Variants in LRFN5 observed in about 807,000 individuals in gnomAD.
LRFN5 encodes the protein leucine-rich repeat and fibronectin type-III domain-containing protein 5.
In LRFN5, 24 loss-of-function variants were observed where a neutral mutation model predicts 45.6. That is an observed-to-expected ratio of 0.53 (90% CI 0.38 to 0.74). The LOEUF is 0.74. Ranked by LOEUF, LRFN5 falls within the 30% of genes least tolerant of loss-of-function variation. The pLI is 0.00. For missense variants in LRFN5, 776 were observed against 861.5 expected (o/e 0.90, Z 1.24); for synonymous variants, 340 against 313.8 (o/e 1.08, Z -0.88).
At position 41,733,130 on chromosome 14, in the gene LRFN5, G is replaced by C. The variant is rs117507229; in HGVS notation, c.-196-33724G>C. Among the ~76,000 whole-genome samples the C allele has an allele frequency of 8.4e-4, 128 of 151,740 alleles. 2 individuals are homozygous for C. The East Asian group carries it at 0.024, about 29-fold the overall frequency. ...CAACACATTTTGTAGACCTAAAGAAGAGAGTTAGAAAGGAGCAGAGAGAAT... is the reference window on the plus strand; with the variant it reads ...CAACACATTTTGTAGACCTAAAGAACAGAGTTAGAAAGGAGCAGAGAGAAT... On this transcript the variant is annotated intron_variant, in intron 1 of 5. Transcript: ENST00000298119.
intron 1 of LRFN5, chr14:41,742,685 C>T (rs199735423): frequency 3.8e-5 from 2 of 52,816 alleles, no homozygotes; most frequent in Non-Finnish European, 6.1e-5. Context: ...CATTCACCAA[C>T]AAGAGCCAGA....
At chr14:41,756,935 G>C (rs1376608142) in intron 1 of LRFN5, among the ~76,000 whole-genome samples, 1 of 150,126 alleles carries the variant, frequency 6.7e-6, no homozygotes, top group East Asian at 2.0e-4. Context: ...ATGGGGTTTT[G>C]GTGTGGGTGT....
At chr14:41,666,159 A>C (rs954485061) in intron 1 of LRFN5, among the ~76,000 whole-genome samples, 3 of 152,046 alleles carry the variant, frequency 2.0e-5, no homozygotes, top group Admixed American at 6.6e-5. Context: ...AAATTATCTT[A>C]TCTGAATTTG....
At chr14:41,648,262 G>C (rs539455854) in intron 1 of LRFN5, among the ~76,000 whole-genome samples, 1 of 151,990 alleles carries the variant, frequency 6.6e-6, no homozygotes, top group Non-Finnish European at 1.5e-5. Flanking sequence ...GAAAAAAATT[G>C]ACATTGGAAA....
At chr14:41,610,669 A>T (rs200300882) in intron 1 of LRFN5, among the ~76,000 whole-genome samples, 5,576 of 145,902 alleles carry the variant, frequency 0.038, 695 homozygotes, top group East Asian at 0.27. Flanking sequence ...GGTAAAAAAA[A>T]AAAAAAAAAA....
chr14:41,805,513 G>A (rs1050328595), intron 2 of LRFN5, among the ~76,000 whole-genome samples: 10 of 150,300 alleles, frequency 6.7e-5, no homozygotes, highest in South Asian at 2.1e-4. Flanking sequence ...CCACTAACTC[G>A]TCATCTAGCA....
intron 2 of LRFN5, among the ~76,000 whole-genome samples, chr14:41,784,544 T>A (rs1886647634): frequency 6.6e-6 from 1 of 152,006 alleles, no homozygotes; most frequent in South Asian, 2.1e-4. Context: ...CTGACATAGT[T>A]TTTCTTTTGG....
At chr14:41,624,446 C>T (rs1476635904) in intron 1 of LRFN5, among the ~76,000 whole-genome samples, 2 of 151,966 alleles carry the variant, frequency 1.3e-5, no homozygotes, top group East Asian at 3.9e-4. Flanking sequence ...AAACATTAAA[C>T]TAGAAGGTTA....
intron 1 of LRFN5, among the ~76,000 whole-genome samples, chr14:41,650,610 A>G (rs1262333260): frequency 6.6e-6 from 1 of 152,198 alleles, no homozygotes; most frequent in Non-Finnish European, 1.5e-5. Context: ...TTTAATTCAG[A>G]AAATCCACAT....
chr14:41,794,169 A>T (rs183754570), intron 2 of LRFN5, among the ~76,000 whole-genome samples: 5 of 152,060 alleles, frequency 3.3e-5, no homozygotes, highest in Non-Finnish European at 1.5e-5. Context: ...TACTGTTTAC[A>T]TTCTAGGATC....
In LRFN5 at chr14:41,614,136, G is replaced by A. The variant is rs190390553; in HGVS notation, c.-197+5574G>A. Among the ~76,000 whole-genome samples the A allele has an allele frequency of 2.0e-4, 31 of 152,070 alleles. No individual in the cohort carries two copies. In the East Asian group the frequency reaches 6.0e-3, roughly 29 times the overall value. Reference sequence around the variant, plus strand: ...TTTTATTATTTTTTTGTGGTGTGAAGATTTGTCAAGTTTTTGAATGGTTTA... The same window carrying A: ...TTTTATTATTTTTTTGTGGTGTGAAAATTTGTCAAGTTTTTGAATGGTTTA... On this transcript the variant is annotated intron_variant, in intron 1 of 5. Coordinates refer to ENST00000298119, the MANE Select transcript of LRFN5 (RefSeq NM_152447.5).
intron 1 of LRFN5, among the ~76,000 whole-genome samples, chr14:41,717,734 A>C (rs1486102941): frequency 6.6e-6 from 1 of 152,202 alleles, no homozygotes; most frequent in Non-Finnish European, 1.5e-5. Context: ...GACATTTTAC[A>C]TACTGTATAA....
chr14:41,625,824 A>T (rs1365857568), intron 1 of LRFN5, among the ~76,000 whole-genome samples: 2 of 152,144 alleles, frequency 1.3e-5, no homozygotes, highest in African/African-American at 2.4e-5. Context: ...ATACAGCCTA[A>T]GTATTCATCA....
chr14:41,895,557 G>A (rs1890909909), intron 4 of LRFN5, among the ~76,000 whole-genome samples: 1 of 152,052 alleles, frequency 6.6e-6, no homozygotes, highest in African/African-American at 2.4e-5. Flanking sequence ...CCTGGGAGGT[G>A]GAGGTGGCAG....
chr14:41,656,866 T>G (rs1880404254), intron 1 of LRFN5, among the ~76,000 whole-genome samples: 1 of 151,920 alleles, frequency 6.6e-6, no homozygotes, highest in Admixed American at 6.6e-5. Context: ...ATTCTATATG[T>G]TTTTCCTCAG....
chr14:41,618,780 T>TA (rs1333546614), intron 1 of LRFN5, among the ~76,000 whole-genome samples: 2 of 152,222 alleles, frequency 1.3e-5, no homozygotes, highest in Admixed American at 6.5e-5. Context: ...GCTCTCTTTT[T>TA]AAAAAATATT....
chr14:41,754,359 C>T (rs1243043876), intron 1 of LRFN5, among the ~76,000 whole-genome samples: 1 of 152,080 alleles, frequency 6.6e-6, no homozygotes, highest in Non-Finnish European at 1.5e-5. Context: ...CTCCTTGTAC[C>T]TCTGGTAGAA....
At position 41,863,997 on chromosome 14, in the gene LRFN5, A is replaced by G. The variant is rs72670413; in HGVS notation, c.-20-22609A>G. ...TGGTTTCCAGCTTCATGCAGAGGACATGAACTCATCCTTTTCTTTAAGGCT... is the reference window on the plus strand; with the variant it reads ...TGGTTTCCAGCTTCATGCAGAGGACGTGAACTCATCCTTTTCTTTAAGGCT... On this transcript the variant is annotated intron_variant, in intron 2 of 5. Coordinates refer to ENST00000298119, the MANE Select transcript of LRFN5 (RefSeq NM_152447.5). Among the ~76,000 whole-genome samples the G allele has an allele frequency of 9.3e-4, 141 of 152,274 alleles. 2 individuals carry two copies. Among genetic ancestry groups the G allele is most frequent in the Non-Finnish European group, 1.5e-3 (99 of 68,016 alleles).
At chr14:41,805,956 A>G (rs1594425913) in intron 2 of LRFN5, among the ~76,000 whole-genome samples, 1 of 152,162 alleles carries the variant, frequency 6.6e-6, no homozygotes, top group African/African-American at 2.4e-5. Flanking sequence ...GACTCTGCCC[A>G]CTGGTCTTGC....
Sources: allele counts gnomAD v4.1 joint callset (sites outside exome capture counted in the v4.1 genomes callset), GRCh38; gene constraint gnomAD v4.1.1; transcripts MANE v1.5; gene names NCBI Gene and HGNC (gene_info 2026-07-23, HGNC 2026-07-21).